The following TCERG1L variants were observed in gnomAD, a reference collection of about 807,000 sequenced individuals.
TCERG1L encodes the protein transcription elongation regulator 1 like.
Under a neutral mutation model 56.3 loss-of-function variants are expected in TCERG1L, and 37 were observed. That is an observed-to-expected ratio of 0.66 (90% confidence interval 0.51 to 0.87). TCERG1L has a LOEUF of 0.87. Among genes scored for constraint, TCERG1L ranks in the 40% least tolerant of loss-of-function variants. TCERG1L has a pLI of 0.00. For missense variants in TCERG1L, 799 were observed against 774.2 expected (o/e 1.03, Z -0.38); for synonymous variants, 324 against 326.3 (o/e 0.99, Z 0.08).
intron 2 of TCERG1L, 81 bp downstream of exon 2, chr10:131,309,072 G>A: frequency 1.4e-6 from 2 of 1,476,162 alleles, no homozygotes; most frequent in Non-Finnish European, 1.8e-6. Context: ...GAAAATACAT[G>A]GGTATTTTTG....
At chr10:131,186,242 G>T (rs12774548) in intron 4 of TCERG1L, among the ~76,000 whole-genome samples, 21,192 of 151,968 alleles carry the variant, frequency 0.14, 1,573 homozygotes, top group East Asian at 0.22. Flanking sequence ...CCAGTAAGGA[G>T]TTTTTTTTCA....
chr10:131,311,491 G>A lies in TCERG1L; in HGVS notation c.145C>T (p.Leu49=). ...WVWMVPGSAG[L]LRLSAGVVVP... is the part of the protein sequence containing the mutation. ...ACGACCCCCGCGCTGAGCCGGAGCA[G>A]CCCGGCCGAGCCCGGCACCATCCAG... The change falls in exon 1 of 12, where the codon CTG becomes TTG. Residue 49 remains leucine (L), a synonymous_variant. Transcript: ENST00000368642. This position sits in a 1 kb window ranked among gnomAD's most constrained non-coding sequence, Gnocchi z 4.0. The A allele has an allele frequency of 8.4e-7, 1 of 1,197,304 alleles. No individual in the cohort carries two copies. Among genetic ancestry groups the A allele is most frequent in the Non-Finnish European group, 1.0e-6 (1 of 964,482 alleles). The allele number at this position is 1,197,304 out of a possible 1,614,324, so 74.2% of individuals were successfully genotyped here.
chr10:131,298,843 G>A (rs1407685358), intron 3 of TCERG1L, among the ~76,000 whole-genome samples: 1 of 152,172 alleles, frequency 6.6e-6, no homozygotes, highest in East Asian at 1.9e-4. Flanking sequence ...ATGTCAATCG[G>A]GTCAAGTTGT....
chr10:131,096,533 C>A (rs61862963), intron 11 of TCERG1L, among the ~76,000 whole-genome samples: 27,802 of 152,148 alleles, frequency 0.18, 2,921 homozygotes, highest in Non-Finnish European at 0.23. Flanking sequence ...TCACCTAATT[C>A]TTGATCAACC....
intron 4 of TCERG1L, among the ~76,000 whole-genome samples, chr10:131,208,528 C>T (rs915589467): frequency 2.0e-5 from 3 of 152,186 alleles, no homozygotes; most frequent in African/African-American, 7.2e-5. Flanking sequence ...GACAGATTTT[C>T]GTAGCTGCAG....
intron 10 of TCERG1L, among the ~76,000 whole-genome samples, chr10:131,099,051 C>T (rs1845278680): frequency 6.6e-6 from 1 of 152,272 alleles, no homozygotes; most frequent in African/African-American, 2.4e-5. Flanking sequence ...TCACAGGATG[C>T]CAGGCTGCCT....
At chr10:131,098,482 T>C in intron 10 of TCERG1L, 58 bp from the exon 11 acceptor site, 1 of 1,514,158 alleles carries the variant, frequency 6.6e-7, no homozygotes, top group Non-Finnish European at 8.8e-7. Context: ...AAATGAAATC[T>C]TGTATTCCAA....
At chr10:131,102,676 C>T (rs1332884546) in intron 10 of TCERG1L, among the ~76,000 whole-genome samples, 5 of 152,108 alleles carry the variant, frequency 3.3e-5, no homozygotes, top group Non-Finnish European at 5.9e-5. Flanking sequence ...TCCCCTTCCA[C>T]GTGCATCATT....
chr10:131,131,145 C>G (rs1433082911), intron 8 of TCERG1L, among the ~76,000 whole-genome samples: 1 of 152,146 alleles, frequency 6.6e-6, no homozygotes. Flanking sequence ...CCAGAAATCA[C>G]AGGTGTGATT....
chr10:131,123,686 C>T (rs190113792), intron 8 of TCERG1L, among the ~76,000 whole-genome samples: 18 of 152,228 alleles, frequency 1.2e-4, no homozygotes, highest in East Asian at 2.0e-4. Context: ...TTAGCGCTCG[C>T]TTCTCTGCTT....
chr10:131,095,269 C>A, intron 11 of TCERG1L: 1 of 155,546 alleles, frequency 6.4e-6, no homozygotes, highest in Non-Finnish European at 1.4e-5. Context: ...CACCGGGCGG[C>A]CAACCCCACC....
chr10:131,099,335 A>C (rs921709090), intron 10 of TCERG1L, among the ~76,000 whole-genome samples: 1 of 152,250 alleles, frequency 6.6e-6, no homozygotes, highest in Non-Finnish European at 1.5e-5. Flanking sequence ...TGTTCTAACC[A>C]GCGAAAAATG....
chr10:131,202,443 G>A (rs1460608757), intron 4 of TCERG1L, among the ~76,000 whole-genome samples: 3 of 152,140 alleles, frequency 2.0e-5, no homozygotes, highest in Admixed American at 1.3e-4. Flanking sequence ...TGAGCCAGGC[G>A]TGGTGGCGAG....
At chr10:131,194,279 G>T (rs538684264) in intron 4 of TCERG1L, among the ~76,000 whole-genome samples, 5 of 152,210 alleles carry the variant, frequency 3.3e-5, no homozygotes, top group South Asian at 4.1e-4. Context: ...TCGCTGCCCC[G>T]AGGAACTTAC....
chr10:131,230,499 T>TG (rs764376438), intron 4 of TCERG1L, among the ~76,000 whole-genome samples: 1 of 152,202 alleles, frequency 6.6e-6, no homozygotes, highest in Non-Finnish European at 1.5e-5. Context: ...TGAGGGACGC[T>TG]GGGGAAAAGA....
chr10:131,229,542 A>G (rs1036995124), intron 4 of TCERG1L, among the ~76,000 whole-genome samples: 19 of 152,170 alleles, frequency 1.2e-4, no homozygotes, highest in Admixed American at 3.9e-4. Flanking sequence ...CATGACAGTA[A>G]AATATAAGAA....
At chr10:131,195,975 C>T (rs1252850782) in intron 4 of TCERG1L, among the ~76,000 whole-genome samples, 1 of 152,238 alleles carries the variant, frequency 6.6e-6, no homozygotes, top group Non-Finnish European at 1.5e-5. Flanking sequence ...GGCAGCGGGG[C>T]TGGCACTGAG....
At chr10:131,253,360 T>G (rs1307756509) in intron 4 of TCERG1L, among the ~76,000 whole-genome samples, 1 of 151,860 alleles carries the variant, frequency 6.6e-6, no homozygotes, top group Non-Finnish European at 1.5e-5. Flanking sequence ...GGTAAACTGG[T>G]CTTCAGTGGC....
chr10:131,229,153 T>C (rs1419892319), intron 4 of TCERG1L, among the ~76,000 whole-genome samples: 1 of 149,810 alleles, frequency 6.7e-6, no homozygotes, highest in African/African-American at 2.5e-5. Flanking sequence ...AGACAGGCAT[T>C]TCCTCAAGGC....
Sources: gnomAD v4.1 joint callset for allele counts (sites outside exome capture counted in the v4.1 genomes callset) on GRCh38, gnomAD v4.1.1 for gene constraint, Gnocchi (gnomAD v3.1) non-coding constraint, MANE v1.5 for transcripts, NCBI Gene and HGNC (gene_info 2026-07-23, HGNC 2026-07-21) for gene names.